Variants in EPS15L1 observed in about 807,000 individuals in gnomAD.
EPS15L1 encodes epidermal growth factor receptor substrate 15-like 1.
A neutral mutation model predicts 117.1 loss-of-function variants in EPS15L1; 43 were observed. The observed-to-expected ratio is 0.37, with a 90% confidence interval of 0.29 to 0.47. The LOEUF is 0.47. Ranked by LOEUF, EPS15L1 falls within the 20% of genes least tolerant of loss-of-function variation. The pLI is 0.99. For synonymous variants in EPS15L1, 459 were observed against 470.5 expected (o/e 0.98, Z 0.32); for missense variants, 981 against 1,164.0 (o/e 0.84, Z 2.29).
rs2092634449 is a variant in EPS15L1, at chr19:16,404,452, C to T, written c.1428+136G>A. The T allele has an allele frequency of 4.1e-6, 4 of 979,072 alleles. No homozygotes were observed. Among genetic ancestry groups the T allele is most frequent in the Non-Finnish European group, 6.0e-6 (4 of 669,908 alleles). 60.6% of individuals were successfully genotyped at this position (979,072 alleles called of 1,614,324 possible). On this transcript the variant is annotated intron_variant, in intron 14 of 23. Coordinates refer to ENST00000455140, the MANE Select transcript of EPS15L1 (RefSeq NM_001258374.3). The surrounding 1 kb of genome is among the most constrained non-coding windows in gnomAD (Gnocchi z 4.2). ...CCACAGGTGCTTGGACACTTTTCCA[C>T]GTGGTGTTTGGAGGAACTCTATTGA...
At chr19:16,360,709 A>G (rs2092039560) in intron 23 of EPS15L1, among the ~76,000 whole-genome samples, 1 of 152,170 alleles carries the variant, frequency 6.6e-6, no homozygotes, top group African/African-American at 2.4e-5. Flanking sequence ...GATCGCGCCA[A>G]TGCAGACCAG....
intron 7 of EPS15L1, among the ~76,000 whole-genome samples, 168 bp from the exon 8 acceptor site, chr19:16,428,929 G>A (rs2092904068): frequency 6.6e-6 from 1 of 152,060 alleles, no homozygotes; most frequent in South Asian, 2.1e-4. Flanking sequence ...ACCATCACCT[G>A]TGAAGTACTG....
At chr19:16,453,577 G>C (rs546794487) in intron 1 of EPS15L1, among the ~76,000 whole-genome samples, 5 of 152,214 alleles carry the variant, frequency 3.3e-5, no homozygotes, top group Admixed American at 3.3e-4. Flanking sequence ...GCCCAGCGTG[G>C]TGGCAGGCGC....
At chr19:16,426,339 A>G (rs948568783) in intron 8 of EPS15L1, among the ~76,000 whole-genome samples, 5 of 152,178 alleles carry the variant, frequency 3.3e-5, no homozygotes, top group African/African-American at 2.4e-5. Context: ...TGCTCTTCAA[A>G]ATGTCCACGT....
intron 1 of EPS15L1, among the ~76,000 whole-genome samples, chr19:16,448,966 A>G (rs1456454682): frequency 5.3e-5 from 8 of 152,112 alleles, no homozygotes; most frequent in Admixed American, 2.6e-4. Context: ...CATAAAAAAG[A>G]AAACAATCAA....
intron 1 of EPS15L1, among the ~76,000 whole-genome samples, chr19:16,453,322 C>A (rs2093164236): frequency 6.6e-6 from 1 of 152,142 alleles, no homozygotes; most frequent in Non-Finnish European, 1.5e-5. Flanking sequence ...CCAGGCCAGT[C>A]TCTAACTCCT....
At chr19:16,430,288 G>T (rs1430173948) in intron 7 of EPS15L1, among the ~76,000 whole-genome samples, 2 of 152,202 alleles carry the variant, frequency 1.3e-5, no homozygotes, top group Non-Finnish European at 2.9e-5. Flanking sequence ...TGCTGTGGGG[G>T]TGTCTAATGG....
rs192855827 is a variant in EPS15L1 at position 16,403,928 on chromosome 19, G to A, written c.1431C>T (p.Ile477=). The A allele has an allele frequency of 1.2e-6, 2 of 1,612,542 alleles. No individual in the cohort carries two copies. The highest frequency in any genetic ancestry group is 1.3e-5 in the African/African-American group (1 of 75,008). The part of the protein sequence containing the change: ...RQKCQDETQM[I]SSLKTQIQSQ... Reference sequence around the variant, plus strand: ...ATTGGATTTGCGTTTTCAGTGATGAGATCTGAAATGAGATGTTAAAAGATG... The same window carrying A: ...ATTGGATTTGCGTTTTCAGTGATGAAATCTGAAATGAGATGTTAAAAGATG... The change falls in exon 15 of 24, where the codon ATC becomes ATT. Residue 477 remains isoleucine, a splice_region_variant and synonymous_variant. Coordinates refer to ENST00000455140, the MANE Select transcript of EPS15L1 (RefSeq NM_001258374.3).
chr19:16,417,663 C>T (rs1210972240), intron 11 of EPS15L1, 26 bp from the exon 12 acceptor site: 2 of 1,593,532 alleles, frequency 1.3e-6, no homozygotes, highest in African/African-American at 2.7e-5. Context: ...GAGGCGAGAT[C>T]TCTAATTAGC....
intron 16 of EPS15L1, chr19:16,402,004 A>C: frequency 1.8e-6 from 2 of 1,106,712 alleles, no homozygotes; most frequent in Non-Finnish European, 2.2e-6. Flanking sequence ...ATTTTGGTTA[A>C]GTTTGAGAAG....
At chr19:16,449,394 A>C (rs1423811007) in intron 1 of EPS15L1, among the ~76,000 whole-genome samples, 1 of 152,226 alleles carries the variant, frequency 6.6e-6, no homozygotes, top group Non-Finnish European at 1.5e-5. Flanking sequence ...TAACATCATT[A>C]GCAAAAAGAA....
chr19:16,392,124 T>C (rs1431161716), intron 19 of EPS15L1, among the ~76,000 whole-genome samples, 180 bp downstream of exon 19: 1 of 152,020 alleles, frequency 6.6e-6, no homozygotes, highest in Non-Finnish European at 1.5e-5. Flanking sequence ...GCCAGTGAGC[T>C]CCCTCACTCA....
In EPS15L1 at chr19:16,429,577, A is replaced by G. The variant is rs199712425; in HGVS notation, c.499-816T>C. Among the ~76,000 whole-genome samples, 17 of 152,246 alleles carry G rather than the reference A, an allele frequency of 1.1e-4. No individual in the cohort carries two copies. The East Asian group carries it at 3.3e-3, about 29-fold the overall frequency. On this transcript the variant is annotated intron_variant, in intron 7 of 23. Coordinates refer to ENST00000455140, the MANE Select transcript of EPS15L1 (RefSeq NM_001258374.3). ...CGAGGCTCAGGCCTCACCAGCCCAC[A>G]CAGCCAAGAGCCTCCAGCTGGCCTC...
At chr19:16,443,747 T>C (rs527956100) in intron 1 of EPS15L1, among the ~76,000 whole-genome samples, 1 of 151,676 alleles carries the variant, frequency 6.6e-6, no homozygotes, top group South Asian at 2.1e-4. Flanking sequence ...GCCCGGATTA[T>C]GGTCAGCGTC....
chr19:16,446,861 C>A (rs1295646432), intron 1 of EPS15L1, among the ~76,000 whole-genome samples: 3 of 152,192 alleles, frequency 2.0e-5, no homozygotes, highest in Non-Finnish European at 4.4e-5. Context: ...TTTTCGATGA[C>A]CTGCCATTTC....
chr19:16,391,810 G>T lies in EPS15L1; in HGVS notation c.2103+494C>A, dbSNP rs935890003. ...AGACACCAGGCAAGGCAGCCGGGCT[G>T]AGACGCCTGCACTTACTCCTGCCGT... On this transcript the variant is annotated intron_variant, in intron 19 of 23. Transcript: ENST00000455140. Among the ~76,000 whole-genome samples, 14 of 152,230 alleles carry T rather than the reference G, an allele frequency of 9.2e-5. No homozygotes were observed. The South Asian group carries it at 2.5e-3, about 27-fold the overall frequency.
At chr19:16,375,172 G>A (rs1002256812) in intron 22 of EPS15L1, among the ~76,000 whole-genome samples, 7 of 152,240 alleles carry the variant, frequency 4.6e-5, no homozygotes, top group African/African-American at 1.7e-4. Context: ...AGGGGTGCAT[G>A]GGAGAGTGCG....
intron 21 of EPS15L1, among the ~76,000 whole-genome samples, chr19:16,382,747 G>T (rs886930795): frequency 2.0e-5 from 3 of 151,840 alleles, no homozygotes; most frequent in Non-Finnish European, 4.4e-5. Flanking sequence ...ACATAGGCTT[G>T]ATACTGTCTA....
At chr19:16,400,994 G>A (rs1421091330) in intron 16 of EPS15L1, 17 of 985,422 alleles carry the variant, frequency 1.7e-5, no homozygotes, top group Middle Eastern at 5.2e-4. Flanking sequence ...AGTAGGAGCC[G>A]GGTTGTGAGA....
Sources: gnomAD v4.1 joint callset for allele counts (sites outside exome capture counted in the v4.1 genomes callset) on GRCh38, gnomAD v4.1.1 for gene constraint, Gnocchi (gnomAD v3.1) non-coding constraint, MANE v1.5 for transcripts, NCBI Gene and HGNC (gene_info 2026-07-23, HGNC 2026-07-21) for gene names.